Variants in CEP152 observed in about 807,000 individuals in gnomAD.
The protein encoded by CEP152 is centrosomal protein 152.
A neutral mutation model predicts 188.9 loss-of-function variants in CEP152; 132 were observed. The ratio of observed to expected loss-of-function variants is 0.70; its 90% CI spans 0.61 to 0.81. CEP152 has a LOEUF of 0.81. Ranked by LOEUF, CEP152 falls within the 30% of genes least tolerant of loss-of-function variation. The pLI, the probability that CEP152 is intolerant of heterozygous loss-of-function variation, is 0.00. For missense variants in CEP152, 1,914 were observed against 1,969.8 expected (o/e 0.97, Z 0.54); for synonymous variants, 649 against 666.6 (o/e 0.97, Z 0.41).
Position 48,756,480 on chromosome 15 carries a change from G to C in CEP152, c.2768C>G (p.Pro923Arg). 1.9e-6 allele frequency: 3 copies of C among 1,612,906 alleles called. No individual in the cohort carries two copies. The highest frequency in any genetic ancestry group is 2.5e-6 in the Non-Finnish European group (3 of 1,179,892). Residue 923 changes from proline to arginine, a missense_variant, in exon 20 of 27, where the codon CCT becomes CGT. Pro to Arg is a moderately radical substitution (Grantham distance 103, BLOSUM62 -2). Coordinates refer to ENST00000380950, the MANE Select transcript of CEP152 (RefSeq NM_001194998.2). ...ELENMRKNILPGKELEEKIHS... is the reference protein window; with the variant it reads ...ELENMRKNILRGKELEEKIHS... ...AATCTTCTCTTCCAATTCCTTTCCA[G>C]GAAGTATATTTTTCCTCATATTTTC... is the stretch of plus-strand genomic sequence containing the variant.
At chr15:48,787,163 GTTTTTTTT>G (rs747436177) in intron 9 of CEP152, among the ~76,000 whole-genome samples, 3 of 101,500 alleles carry the variant, frequency 3.0e-5, no homozygotes, top group African/African-American at 1.1e-4. Context: ...TATAGCCTTC[GTTTTTTTT>G]TTTTTTTTTT....
At chr15:48,755,350 T>C (rs1260454081) in intron 20 of CEP152, among the ~76,000 whole-genome samples, 1 of 152,180 alleles carries the variant, frequency 6.6e-6, no homozygotes, top group African/African-American at 2.4e-5. Flanking sequence ...GACATAAATT[T>C]ATTGAGGGCA....
chr15:48,796,228 C>T, intron 5 of CEP152, 68 bp from the exon 6 acceptor site: 1 of 1,570,292 alleles, frequency 6.4e-7, no homozygotes, highest in Non-Finnish European at 8.7e-7. Flanking sequence ...GAATTAGACA[C>T]CTAAATTAAT....
intron 2 of CEP152, among the ~76,000 whole-genome samples, chr15:48,799,662 T>A (rs528649193): frequency 2.6e-5 from 4 of 152,308 alleles, no homozygotes; most frequent in African/African-American, 9.6e-5. Context: ...ATTAGCCATA[T>A]CAGAGTTGAC....
At position 48,752,434 on chromosome 15, in the gene CEP152, G is replaced by C; in HGVS notation, c.3381C>G (p.Ser1127Arg). The change falls in exon 21 of 27, where the codon AGC becomes AGG. Residue 1127 changes from serine to arginine, a missense_variant. By Grantham distance (110) the Ser-to-Arg change is moderately radical (BLOSUM62 -1). Coordinates refer to ENST00000380950, the MANE Select transcript of CEP152 (RefSeq NM_001194998.2). ...CAGGGTCTCCTTGGCCAGTGCCCTG[G>C]CTGGCAGAATCCTTAGAGAGCTCGG... Reference protein sequence around the residue: ...NMAELSKDSASQGTGQGDPGP... With the variant: ...NMAELSKDSARQGTGQGDPGP... 1 of 1,613,812 alleles carries C rather than the reference G, an allele frequency of 6.2e-7. No individual in the cohort carries two copies. The highest frequency in any genetic ancestry group is 8.5e-7 in the Non-Finnish European group (1 of 1,180,006).
At chr15:48,767,549 T>G in intron 15 of CEP152, 86 bp from the exon 16 acceptor site, 1 of 1,558,536 alleles carries the variant, frequency 6.4e-7, no homozygotes, top group Non-Finnish European at 8.8e-7. Flanking sequence ...TCCTCACCTC[T>G]TCCCTCTAAT....
Position 48,772,550 on chromosome 15 carries a change from G to C in CEP152, c.1719C>G (p.Asp573Glu). The stretch of plus-strand genomic sequence containing the variant: ...GGAGATCTTCAATTTTCTTATGACA[G>C]TCTTTGAGGTCATTTTGTAACTGAG... Reference protein sequence around the residue: ...LVSQLQNDLKDCHKKIEDLHQ... With the variant: ...LVSQLQNDLKECHKKIEDLHQ... The change falls in exon 13 of 27, where the codon GAC becomes GAG. Residue 573 changes from aspartate (D) to glutamate (E), a missense_variant. By Grantham distance (45) the Asp-to-Glu change is conservative (BLOSUM62 2). Transcript: ENST00000380950. The C allele has an allele frequency of 1.2e-6, 2 of 1,613,492 alleles. No homozygotes were observed. Among genetic ancestry groups the C allele is most frequent in the South Asian group, 2.2e-5 (2 of 91,050 alleles).
In CEP152 at chr15:48,763,416, G is replaced by A. The variant is rs148120628; in HGVS notation, c.2281-744C>T. On this transcript the variant is annotated intron_variant, in intron 17 of 26. Transcript: ENST00000380950. ...AGGCCAGGTGCAGTGGCTCATGCCT[G>A]TAATCCCAGCACTTTGGGAGGCTGA... Among the ~76,000 whole-genome samples, 888 of 152,344 alleles carry A rather than the reference G, an allele frequency of 5.8e-3. 7 individuals carry two copies. Among genetic ancestry groups the A allele is most frequent in the African/African-American group, 0.02 (851 of 41,576 alleles).
At chr15:48,741,113 G>C in intron 26 of CEP152, 2 of 976,450 alleles carry the variant, frequency 2.0e-6, no homozygotes, top group Non-Finnish European at 2.4e-6. Context: ...TGTAGCTTCT[G>C]GTCTATCCAC....
intron 2 of CEP152, among the ~76,000 whole-genome samples, chr15:48,800,716 G>A (rs1281199151): frequency 6.6e-6 from 1 of 152,148 alleles, no homozygotes; most frequent in African/African-American, 2.4e-5. Context: ...ATATTACTGT[G>A]TATTAACCGA....
intron 15 of CEP152, among the ~76,000 whole-genome samples, chr15:48,767,836 A>T (rs1441233681): frequency 6.6e-6 from 1 of 152,170 alleles, no homozygotes; most frequent in Admixed American, 6.5e-5. Context: ...GCAGTCCCCA[A>T]CTCACAAGTA....
intron 22 of CEP152, among the ~76,000 whole-genome samples, chr15:48,746,801 T>C (rs75719539): frequency 6.6e-6 from 1 of 152,244 alleles, no homozygotes; most frequent in African/African-American, 2.4e-5. Context: ...ATAAAAAGCA[T>C]AGGAACTATG....
chr15:48,779,558 A>C (rs1190743538), intron 12 of CEP152, among the ~76,000 whole-genome samples: 1 of 152,228 alleles, frequency 6.6e-6, no homozygotes, highest in Non-Finnish European at 1.5e-5. Context: ...GTGTTACATA[A>C]GGCCTTTTAT....
intron 17 of CEP152, among the ~76,000 whole-genome samples, chr15:48,764,741 G>C (rs2140731946): frequency 6.6e-6 from 1 of 152,198 alleles, no homozygotes; most frequent in Admixed American, 6.5e-5. Flanking sequence ...TTAAAACTTG[G>C]AATTGAGCTC....
chr15:48,785,417 T>C (rs992992927), intron 9 of CEP152, among the ~76,000 whole-genome samples: 1 of 151,774 alleles, frequency 6.6e-6, no homozygotes, highest in African/African-American at 2.4e-5. Flanking sequence ...CCAGGCCAGC[T>C]TGAGAAACCT....
At chr15:48,809,383 C>G (rs1010254956) in intron 1 of CEP152, among the ~76,000 whole-genome samples, 2 of 152,142 alleles carry the variant, frequency 1.3e-5, no homozygotes, top group African/African-American at 4.8e-5. Context: ...TTAGATAGAG[C>G]CACTGATATA....
chr15:48,768,150 G>A (rs1217366588), intron 15 of CEP152, 69 bp downstream of exon 15: 4 of 889,300 alleles, frequency 4.5e-6, no homozygotes, highest in African/African-American at 3.3e-5. Flanking sequence ...TTTTGTCACA[G>A]GGAAGGGCAG....
At chr15:48,756,594 T>G (rs762812925) in intron 19 of CEP152, 41 bp from the exon 20 acceptor site, 17 of 1,584,760 alleles carry the variant, frequency 1.1e-5, no homozygotes, top group Non-Finnish European at 1.4e-5. Context: ...GTCTTTATGA[T>G]TCTCCTCCTT....
intron 26 of CEP152, 91 bp downstream of exon 26, chr15:48,741,510 C>T: frequency 6.2e-7 from 1 of 1,607,866 alleles, no homozygotes; most frequent in Admixed American, 1.7e-5. Context: ...AACTCTCACT[C>T]CTTACCTTCC....
Sources: allele counts gnomAD v4.1 joint callset (sites outside exome capture counted in the v4.1 genomes callset), GRCh38; gene constraint gnomAD v4.1.1; transcripts MANE v1.5; gene names NCBI Gene and HGNC (gene_info 2026-07-23, HGNC 2026-07-21).